Variants in MARCHF3 observed in about 807,000 individuals in gnomAD.
MARCHF3 encodes membrane associated ring-CH-type finger 3.
In MARCHF3, 13 loss-of-function variants were observed where a neutral mutation model predicts 24.2. That is an observed-to-expected ratio of 0.54 (90% CI 0.35 to 0.85). The LOEUF (loss-of-function observed/expected upper bound fraction) is 0.85. MARCHF3 is among the 40% of genes least tolerant of loss of function. The pLI is 0.01. For missense variants in MARCHF3, 276 were observed against 325.0 expected (o/e 0.85, Z 1.16); for synonymous variants, 144 against 137.3 (o/e 1.05, Z -0.34).
intron 1 of MARCHF3, among the ~76,000 whole-genome samples, chr5:127,023,804 C>T (rs1214279939): frequency 6.6e-6 from 1 of 151,218 alleles, no homozygotes; most frequent in Non-Finnish European, 1.5e-5. Context: ...AAAAGGTTCC[C>T]TCAACAAATG....
chr5:126,894,889 A>C (rs920734343), intron 3 of MARCHF3, among the ~76,000 whole-genome samples: 8 of 151,828 alleles, frequency 5.3e-5, no homozygotes, highest in Non-Finnish European at 1.0e-4. Flanking sequence ...CTCCTGGATA[A>C]TATCCTGCAG....
Position 126,918,212 on chromosome 5 carries a change from C to A in MARCHF3, c.-41G>T. On this transcript the variant is annotated 5_prime_UTR_variant, in exon 2 of 5. It removes an upstream start codon present in the reference 5' UTR. Coordinates refer to ENST00000308660, the MANE Select transcript of MARCHF3 (RefSeq NM_178450.5). ...TTACTCTGCTAATGGCTTCCACATT[C>A]ATACAGGATTTCCATCTAAGAGAGA... 6.3e-7 allele frequency: 1 copy of A among 1,581,642 alleles called. No homozygotes were observed.
intron 1 of MARCHF3, among the ~76,000 whole-genome samples, chr5:126,982,943 C>G (rs954679136): frequency 2.6e-5 from 4 of 152,212 alleles, no homozygotes; most frequent in African/African-American, 9.6e-5. Flanking sequence ...GCTGAGCTGA[C>G]TGAGCATACT....
At chr5:126,997,564 C>T (rs539977880) in intron 1 of MARCHF3, among the ~76,000 whole-genome samples, 51 of 152,332 alleles carry the variant, frequency 3.3e-4, no homozygotes, top group African/African-American at 1.2e-3. Context: ...CTCCCTATCA[C>T]TGATACCCCA....
intron 3 of MARCHF3, among the ~76,000 whole-genome samples, chr5:126,896,960 A>C (rs1190255807): frequency 1.3e-5 from 2 of 151,904 alleles, no homozygotes; most frequent in Non-Finnish European, 2.9e-5. Flanking sequence ...AGATACAGGA[A>C]AGGGTAAGAG....
intron 1 of MARCHF3, among the ~76,000 whole-genome samples, chr5:126,941,615 G>C (rs1032647133): frequency 6.6e-6 from 1 of 152,196 alleles, no homozygotes; most frequent in African/African-American, 2.4e-5. Context: ...TCTAGGTCTA[G>C]GACTGCATTA....
intron 1 of MARCHF3, among the ~76,000 whole-genome samples, chr5:127,009,996 A>G (rs2126856631): frequency 6.6e-6 from 1 of 152,340 alleles, no homozygotes; most frequent in South Asian, 2.1e-4. Flanking sequence ...ACAAGTCCAT[A>G]CAAATGATCC....
chr5:127,019,149 G>T (rs1752720067), intron 1 of MARCHF3, among the ~76,000 whole-genome samples: 1 of 152,090 alleles, frequency 6.6e-6, no homozygotes, highest in African/African-American at 2.4e-5. Context: ...GTTTATTGTG[G>T]TTCTACTCAG....
At chr5:126,878,106 A>C (rs1168804499) in intron 4 of MARCHF3, 79 bp downstream of exon 4, 24 of 1,412,744 alleles carry the variant, frequency 1.7e-5, no homozygotes, top group Middle Eastern at 3.6e-4. Flanking sequence ...GATGTGTTAC[A>C]GACAAGAGGA....
chr5:126,886,895 C>T (rs1388779151), intron 3 of MARCHF3, among the ~76,000 whole-genome samples: 2 of 152,180 alleles, frequency 1.3e-5, no homozygotes, highest in East Asian at 1.9e-4. Flanking sequence ...TCCCCTTCCC[C>T]CTATATCCAG....
At position 126,889,400 on chromosome 5, in the gene MARCHF3, CA is replaced by C. The variant is rs375865860; in HGVS notation, c.394-11007del. Among the ~76,000 whole-genome samples the C allele has an allele frequency of 5.7e-4, 86 of 152,114 alleles. 1 individual carries two copies. The South Asian group carries it at 8.5e-3, about 15-fold the overall frequency. On this transcript the variant is annotated intron_variant, in intron 3 of 4. Transcript: ENST00000308660. Reference sequence around the variant, plus strand: ...GGAATAGAGAGGAAAAAATAACATTCAAAACCAGGTTTTCAAAATGGTACTA... The same window carrying C: ...GGAATAGAGAGGAAAAAATAACATTCAAACCAGGTTTTCAAAATGGTACTA...
chr5:126,937,271 C>T (rs1216169484), intron 1 of MARCHF3, among the ~76,000 whole-genome samples: 1 of 152,210 alleles, frequency 6.6e-6, no homozygotes, highest in African/African-American at 2.4e-5. Flanking sequence ...ATGACCCAGA[C>T]AGGATATACT....
At chr5:126,885,100 A>G (rs946419439) in intron 3 of MARCHF3, among the ~76,000 whole-genome samples, 1 of 152,170 alleles carries the variant, frequency 6.6e-6, no homozygotes, top group Non-Finnish European at 1.5e-5. Flanking sequence ...GCACCTGTGA[A>G]TGTTACTCAG....
chr5:126,881,211 G>T (rs1753328787), intron 3 of MARCHF3, among the ~76,000 whole-genome samples: 1 of 152,070 alleles, frequency 6.6e-6, no homozygotes, highest in Non-Finnish European at 1.5e-5. Flanking sequence ...GTTTTGGGGG[G>T]TTCGGCTTAC....
intron 1 of MARCHF3, among the ~76,000 whole-genome samples, chr5:126,963,215 A>G (rs1750699420): frequency 2.6e-5 from 4 of 152,198 alleles, no homozygotes; most frequent in Admixed American, 2.0e-4. Context: ...CCAGTCTTAT[A>G]GTTTGTCTCC....
chr5:126,892,731 G>T lies in MARCHF3; in HGVS notation c.394-14337C>A, dbSNP rs1042623939. Reference sequence around the variant, plus strand: ...AATTTTTGCATCAATGTTCATCAAGGATATTGGTCTAAAATTCTCTTTTTT... The same window carrying T: ...AATTTTTGCATCAATGTTCATCAAGTATATTGGTCTAAAATTCTCTTTTTT... On this transcript the variant is annotated intron_variant, in intron 3 of 4. Coordinates refer to ENST00000308660, the MANE Select transcript of MARCHF3 (RefSeq NM_178450.5). Among the ~76,000 whole-genome samples the T allele has an allele frequency of 5.8e-4, 87 of 149,868 alleles. 1 individual carries two copies. The highest frequency in any genetic ancestry group is 1.0e-3 in the Non-Finnish European group (70 of 67,990).
intron 1 of MARCHF3, among the ~76,000 whole-genome samples, chr5:126,937,294 T>C (rs1315899645): frequency 6.6e-6 from 1 of 152,242 alleles, no homozygotes; most frequent in Non-Finnish European, 1.5e-5. Flanking sequence ...TTTTTCCTCA[T>C]ACATCTACAA....
chr5:126,950,577 C>A (rs1473874013), intron 1 of MARCHF3, among the ~76,000 whole-genome samples: 1 of 152,194 alleles, frequency 6.6e-6, no homozygotes, highest in Non-Finnish European at 1.5e-5. Flanking sequence ...AAAGGAACCA[C>A]TGGGTTCTTC....
intron 1 of MARCHF3, among the ~76,000 whole-genome samples, chr5:126,945,306 C>T (rs977064473): frequency 1.3e-5 from 2 of 152,204 alleles, no homozygotes; most frequent in African/African-American, 4.8e-5. Context: ...TACCAGAACT[C>T]CTCTGGATAG....
Sources: gnomAD v4.1 joint callset for allele counts (sites outside exome capture counted in the v4.1 genomes callset) on GRCh38, gnomAD v4.1.1 for gene constraint, MANE v1.5 for transcripts, NCBI Gene and HGNC (gene_info 2026-07-23, HGNC 2026-07-21) for gene names.